The following EFNA5 variants were observed in gnomAD, a reference collection of about 807,000 sequenced individuals.
The protein encoded by EFNA5 is ephrin A5, also known as ephrin-A5.
Under a neutral mutation model 22.9 loss-of-function variants are expected in EFNA5, and 5 were observed. The observed-to-expected ratio is 0.22, with a 90% confidence interval of 0.11 to 0.46. The LOEUF (loss-of-function observed/expected upper bound fraction) is 0.46. Among genes scored for constraint, EFNA5 ranks in the 20% least tolerant of loss-of-function variants. EFNA5 has a pLI of 0.99. For synonymous variants in EFNA5, 113 were observed against 112.2 expected (o/e 1.01, Z -0.04); for missense variants, 237 against 293.3 (o/e 0.81, Z 1.40).
chr5:107,551,443 G>C (rs73777901), intron 1 of EFNA5, among the ~76,000 whole-genome samples: 2 of 152,178 alleles, frequency 1.3e-5, no homozygotes, highest in African/African-American at 4.8e-5. Flanking sequence ...AGTTTTACAC[G>C]TAACTCATTC....
chr5:107,434,607 C>A (rs190579178), intron 1 of EFNA5, among the ~76,000 whole-genome samples: 3 of 152,286 alleles, frequency 2.0e-5, no homozygotes, highest in Non-Finnish European at 4.4e-5. Flanking sequence ...CAGCAGAGAA[C>A]CTGCTTCCAG....
At chr5:107,603,864 A>G (rs1290173578) in intron 1 of EFNA5, among the ~76,000 whole-genome samples, 2 of 152,232 alleles carry the variant, frequency 1.3e-5, no homozygotes, top group East Asian at 3.8e-4. Context: ...ACAGAACGGC[A>G]ATGTGGTTCC....
In EFNA5 at chr5:107,427,407, G is replaced by A; in HGVS notation, c.228C>T (p.Arg76=). The A allele has an allele frequency of 2.5e-6, 4 of 1,614,094 alleles. No individual in the cohort carries two copies. Among genetic ancestry groups the A allele is most frequent in the Non-Finnish European group, 3.4e-6 (4 of 1,180,022 alleles). Residue 76 remains arginine, a synonymous_variant, in exon 2 of 5, where the codon CGC becomes CGT. Transcript: ENST00000333274. ...CAAAGTTCACCATGTAGAGGACATAGCGCTCAGTCTTATCTTCTGGGACGG... is the reference window on the plus strand; with the variant it reads ...CAAAGTTCACCATGTAGAGGACATAACGCTCAGTCTTATCTTCTGGGACGG... ...EDSVPEDKTE[R]YVLYMVNFDG...
At chr5:107,526,137 A>C (rs1034257926) in intron 1 of EFNA5, among the ~76,000 whole-genome samples, 2 of 152,206 alleles carry the variant, frequency 1.3e-5, no homozygotes, top group Non-Finnish European at 2.9e-5. Flanking sequence ...TATTTTGTTT[A>C]TCCAAGGAGA....
At chr5:107,522,866 T>C (rs1365944443) in intron 1 of EFNA5, among the ~76,000 whole-genome samples, 1 of 152,202 alleles carries the variant, frequency 6.6e-6, no homozygotes, top group Non-Finnish European at 1.5e-5. Flanking sequence ...CTTTTGTTTA[T>C]TCAGTTACTT....
In EFNA5 at chr5:107,545,383, C is replaced by T. The variant is rs368224214; in HGVS notation, c.126-117874G>A. 9.2e-5 allele frequency among the ~76,000 whole-genome samples: 14 copies of T among 152,256 alleles called. No homozygotes were observed. The South Asian group carries it at 1.5e-3, about 16-fold the overall frequency. ...CCAATCTGATTAAAAAGGAATCACC[C>T]GCAGGAAAATATTTCCTGAGGACTG... On this transcript the variant is annotated intron_variant, in intron 1 of 4. Coordinates refer to ENST00000333274, the MANE Select transcript of EFNA5 (RefSeq NM_001962.3).
At chr5:107,591,964 TATAATATATATAATATATAATATATA>T in intron 1 of EFNA5, among the ~76,000 whole-genome samples, 1 of 28,842 alleles carries the variant, frequency 3.5e-5, no homozygotes. Context: ...ATATAATATA[TATAATATATATAATATATAATATATA>T]ATATATATAA....
chr5:107,599,678 T>C (rs1371995150), intron 1 of EFNA5, among the ~76,000 whole-genome samples: 1 of 152,214 alleles, frequency 6.6e-6, no homozygotes, highest in East Asian at 1.9e-4. Flanking sequence ...TCTAGAAAGA[T>C]TTGTTAAATA....
chr5:107,651,016 C>T (rs1038896579), intron 1 of EFNA5, among the ~76,000 whole-genome samples: 1 of 152,192 alleles, frequency 6.6e-6, no homozygotes, highest in East Asian at 1.9e-4. Flanking sequence ...TAAAAATGTG[C>T]ATTTTTAATG....
At chr5:107,437,381 T>G (rs1364634367) in intron 1 of EFNA5, among the ~76,000 whole-genome samples, 1 of 152,190 alleles carries the variant, frequency 6.6e-6, no homozygotes, top group African/African-American at 2.4e-5. Context: ...GTTAGGACCT[T>G]GTGAGCAGTT....
chr5:107,670,631 G>C lies in EFNA5; in HGVS notation c.-18C>G. On this transcript the variant is annotated 5_prime_UTR_variant, in exon 1 of 5. Transcript: ENST00000333274. The stretch of plus-strand genomic sequence containing the variant: ...TGCAACATCACGCCTGGCCAGCGGC[G>C]GAGCCCCCGACGCGCCACTCCGGGG... 1.3e-6 allele frequency: 2 copies of C among 1,597,628 alleles called. No homozygotes were observed. Among genetic ancestry groups the C allele is most frequent in the East Asian group, 4.6e-5 (2 of 43,452 alleles).
intron 1 of EFNA5, among the ~76,000 whole-genome samples, chr5:107,497,656 T>C (rs1241607418): frequency 1.3e-5 from 2 of 152,136 alleles, no homozygotes; most frequent in African/African-American, 2.4e-5. Flanking sequence ...TCTGAGGCTA[T>C]AGACCACCTC....
intron 1 of EFNA5, among the ~76,000 whole-genome samples, chr5:107,432,228 T>C (rs1316328968): frequency 6.6e-6 from 1 of 152,190 alleles, no homozygotes; most frequent in Non-Finnish European, 1.5e-5. Context: ...CAGAATAACA[T>C]GTTGTTAGGC....
At chr5:107,429,667 C>G (rs1029296197) in intron 1 of EFNA5, among the ~76,000 whole-genome samples, 21 of 152,178 alleles carry the variant, frequency 1.4e-4, no homozygotes, top group Non-Finnish European at 7.4e-5. Context: ...TTGGGCTAAT[C>G]ATGAGAACCT....
At chr5:107,533,910 G>A (rs929258837) in intron 1 of EFNA5, among the ~76,000 whole-genome samples, 2 of 152,152 alleles carry the variant, frequency 1.3e-5, no homozygotes, top group Non-Finnish European at 2.9e-5. Flanking sequence ...TGGAACTGCC[G>A]TGAGAGCCTG....
In EFNA5 at chr5:107,600,012, G is replaced by T. The variant is rs1171952370; in HGVS notation, c.125+70477C>A. 3.3e-5 allele frequency among the ~76,000 whole-genome samples: 5 copies of T among 152,212 alleles called. No individual in the cohort carries two copies. The East Asian group carries it at 9.6e-4, about 29-fold the overall frequency. ...AGTAAAAAGGAATGTGAAGTAGACA[G>T]ATTCAAGAAATGAAAATTACAACAA... On this transcript the variant is annotated intron_variant, in intron 1 of 4. Coordinates refer to ENST00000333274, the MANE Select transcript of EFNA5 (RefSeq NM_001962.3).
chr5:107,397,084 A>C (rs934627730), intron 2 of EFNA5, among the ~76,000 whole-genome samples: 2 of 142,778 alleles, frequency 1.4e-5, no homozygotes, highest in Non-Finnish European at 3.0e-5. Flanking sequence ...TCCACTCTTT[A>C]ATTTTTTTTT....
chr5:107,411,084 T>C (rs1283703712), intron 2 of EFNA5, among the ~76,000 whole-genome samples: 1 of 152,114 alleles, frequency 6.6e-6, no homozygotes, highest in Admixed American at 6.5e-5. Context: ...GCAAAAGCAC[T>C]AGAAAAATAT....
chr5:107,476,058 T>TATATATATATA, intron 1 of EFNA5, among the ~76,000 whole-genome samples: 1 of 41,114 alleles, frequency 2.4e-5, no homozygotes, highest in South Asian at 8.2e-4. Context: ...ATATATATAT[T>TATATATATATA]TTTTTTTTTT....
Sources: gnomAD v4.1 joint callset for allele counts (sites outside exome capture counted in the v4.1 genomes callset) on GRCh38, gnomAD v4.1.1 for gene constraint, MANE v1.5 for transcripts, NCBI Gene and HGNC (gene_info 2026-07-23, HGNC 2026-07-21) for gene names.